Variants in NCOA3 observed in about 807,000 individuals in gnomAD.
NCOA3 encodes CBP-interacting protein.
NCOA3 carries 51 observed loss-of-function variants against 158.8 expected under a neutral mutation model. The observed-to-expected ratio is 0.32, with a 90% confidence interval of 0.26 to 0.41. The LOEUF (loss-of-function observed/expected upper bound fraction) is 0.41. NCOA3 is among the 10% of genes least tolerant of loss of function. The pLI, the probability that NCOA3 is intolerant of heterozygous loss-of-function variation, is 1.00. For missense variants in NCOA3, 1,510 were observed against 1,746.6 expected (o/e 0.86, Z 2.41); for synonymous variants, 537 against 592.4 (o/e 0.91, Z 1.36).
chr20:47,616,030 C>T (rs1026537611), intron 2 of NCOA3, among the ~76,000 whole-genome samples: 5 of 151,516 alleles, frequency 3.3e-5, no homozygotes, highest in Non-Finnish European at 5.9e-5. Flanking sequence ...TGGTGGCAGG[C>T]GCCTGTAGTC....
chr20:47,562,647 G>T (rs956508026), intron 1 of NCOA3, among the ~76,000 whole-genome samples: 1 of 152,132 alleles, frequency 6.6e-6, no homozygotes, highest in East Asian at 1.9e-4. Flanking sequence ...AACGGCCTAG[G>T]AATGTATATA....
At chr20:47,612,045 T>C (rs895623256) in intron 2 of NCOA3, among the ~76,000 whole-genome samples, 55 of 152,320 alleles carry the variant, frequency 3.6e-4, no homozygotes, top group African/African-American at 1.3e-3. Flanking sequence ...CAGGCTGGTC[T>C]TGAAGTCCCG....
At chr20:47,528,634 A>T (rs1007910871) in intron 1 of NCOA3, among the ~76,000 whole-genome samples, 4 of 152,098 alleles carry the variant, frequency 2.6e-5, no homozygotes, top group African/African-American at 7.2e-5. Context: ...TGTTCTACTG[A>T]CTTGAATTAG....
intron 1 of NCOA3, among the ~76,000 whole-genome samples, chr20:47,561,109 T>C (rs2085097411): frequency 6.6e-6 from 1 of 151,116 alleles, no homozygotes; most frequent in South Asian, 2.1e-4. Context: ...GAGTAGCTGA[T>C]ATCACAGATG....
At chr20:47,596,271 C>G (rs1049112107) in intron 2 of NCOA3, among the ~76,000 whole-genome samples, 4 of 152,080 alleles carry the variant, frequency 2.6e-5, no homozygotes, top group Admixed American at 2.0e-4. Context: ...TTTTTTTTAG[C>G]TTTCCAAAAA....
At chr20:47,582,909 T>TA (rs2085476608) in intron 1 of NCOA3, among the ~76,000 whole-genome samples, 1 of 152,160 alleles carries the variant, frequency 6.6e-6, no homozygotes, top group Non-Finnish European at 1.5e-5. Context: ...ATTCTCCTGC[T>TA]TCAACCTCCT....
chr20:47,647,027 G>C, intron 17 of NCOA3, 46 bp from the exon 18 acceptor site: 1 of 1,551,942 alleles, frequency 6.4e-7, no homozygotes, highest in Non-Finnish European at 8.7e-7. Flanking sequence ...GACTTCTGTT[G>C]CTTTCATAGA....
At chr20:47,522,762 G>A (rs1472519832) in intron 1 of NCOA3, among the ~76,000 whole-genome samples, 1 of 152,068 alleles carries the variant, frequency 6.6e-6, no homozygotes, top group African/African-American at 2.4e-5. Flanking sequence ...TGTGGGGAAA[G>A]GGCAAGAAGG....
At chr20:47,618,119 C>G (rs899642162) in intron 2 of NCOA3, among the ~76,000 whole-genome samples, 1 of 152,090 alleles carries the variant, frequency 6.6e-6, no homozygotes, top group African/African-American at 2.4e-5. Flanking sequence ...CACCTATAAT[C>G]TCAGCTACTC....
rs542758163 is a variant in NCOA3, at chr20:47,651,110, G to A, written c.3780G>A (p.Gln1260=). The stretch of plus-strand genomic sequence containing the variant: ...AGCAGCAACAGCAGCAGCAGCAGCA[G>A]CAGCAGCAGCAACAGCAACAGCAAC... ...QQQQQQQQQQ[Q]QQQQQQQQQQ... is the part of the protein sequence containing the mutation. The change falls in exon 20 of 23, where the codon CAG becomes CAA. Residue 1260 remains glutamine, a synonymous_variant. Transcript: ENST00000371998. 12 of 1,607,284 alleles carry A rather than the reference G, an allele frequency of 7.5e-6. No homozygotes were observed. Among genetic ancestry groups the A allele is most frequent in the South Asian group, 4.4e-5 (4 of 90,724 alleles).
At chr20:47,637,888 T>C in intron 13 of NCOA3, 105 bp downstream of exon 13, 1 of 1,017,762 alleles carries the variant, frequency 9.8e-7, no homozygotes, top group Non-Finnish European at 1.4e-6. Context: ...CATTTATAAC[T>C]TCAGAACATA....
At chr20:47,588,750 A>G (rs1192672769) in intron 2 of NCOA3, among the ~76,000 whole-genome samples, 1 of 152,160 alleles carries the variant, frequency 6.6e-6, no homozygotes, top group Non-Finnish European at 1.5e-5. Context: ...TACAAAAGAT[A>G]GCGTACTATA....
In NCOA3 at chr20:47,639,090, C is replaced by T; in HGVS notation, c.2595C>T (p.Gly865=). 6.2e-7 allele frequency: 1 copy of T among 1,614,156 alleles called. No homozygotes were observed. The highest frequency in any genetic ancestry group is 8.5e-7 in the Non-Finnish European group (1 of 1,180,008). ...CTCTGGATAGCCCTGTTTCTGTTGG[C>T]TCAAGTCCTCCAGTAAAAAATATCA... ...AVSLDSPVSV[G]SSPPVKNISA... The change falls in exon 14 of 23, where the codon GGC becomes GGT. Residue 865 remains glycine (G), a synonymous_variant. Coordinates refer to ENST00000371998, the MANE Select transcript of NCOA3 (RefSeq NM_181659.3).
At chr20:47,572,133 G>A (rs1341613818) in intron 1 of NCOA3, among the ~76,000 whole-genome samples, 2 of 152,140 alleles carry the variant, frequency 1.3e-5, no homozygotes, top group African/African-American at 2.4e-5. Flanking sequence ...TCATAGAATT[G>A]AAGAGAGTTA....
chr20:47,648,947 G>A, intron 18 of NCOA3, 58 bp from the exon 19 acceptor site: 1 of 1,030,462 alleles, frequency 9.7e-7, no homozygotes, highest in South Asian at 1.4e-5. Context: ...GGTCTGGAAA[G>A]CTGTTTTGGC....
intron 1 of NCOA3, among the ~76,000 whole-genome samples, chr20:47,516,960 C>T (rs1028800436): frequency 6.6e-6 from 1 of 151,188 alleles, no homozygotes; most frequent in African/African-American, 2.4e-5. Flanking sequence ...CAGTGACTCA[C>T]ATCTATAATC....
At chr20:47,618,454 A>G (rs777920747) in intron 2 of NCOA3, among the ~76,000 whole-genome samples, 9 of 149,572 alleles carry the variant, frequency 6.0e-5, no homozygotes, top group Non-Finnish European at 7.4e-5. Context: ...TCCCAGGTTC[A>G]AGCAATTCTC....
At chr20:47,583,318 A>T in intron 2 of NCOA3, 57 bp downstream of exon 2, 1 of 397,868 alleles carries the variant, frequency 2.5e-6, no homozygotes, top group Non-Finnish European at 4.4e-6. Context: ...CAACCTTCTG[A>T]AGATATTACC....
At chr20:47,571,926 C>T (rs552196536) in intron 1 of NCOA3, among the ~76,000 whole-genome samples, 4 of 152,240 alleles carry the variant, frequency 2.6e-5, no homozygotes, top group East Asian at 1.9e-4. Flanking sequence ...CAGGGTTTCA[C>T]CATGTTGCCC....
Sources: gnomAD v4.1 joint callset for allele counts (sites outside exome capture counted in the v4.1 genomes callset) on GRCh38, gnomAD v4.1.1 for gene constraint, MANE v1.5 for transcripts, NCBI Gene and HGNC (gene_info 2026-07-23, HGNC 2026-07-21) for gene names.